RAB31: variants seen among roughly 807,000 people sequenced by gnomAD.
RAB31 encodes the protein RAB31, member RAS oncogene family, also known as ras-related protein Rab-31.
Under a neutral mutation model 25.6 loss-of-function variants are expected in RAB31, and 21 were observed. The ratio of observed to expected loss-of-function variants is 0.82; its 90% confidence interval spans 0.58 to 1.18. The LOEUF (loss-of-function observed/expected upper bound fraction) is 1.18, where lower values mean the gene tolerates loss of function less well. RAB31 is among the 50% of genes most tolerant of loss of function. The pLI is 0.00. For synonymous variants in RAB31, 87 were observed against 84.0 expected (o/e 1.04, Z -0.20); for missense variants, 196 against 250.1 (o/e 0.78, Z 1.46).
At chr18:9,751,643 T>C (rs917917527) in intron 1 of RAB31, among the ~76,000 whole-genome samples, 4 of 152,192 alleles carry the variant, frequency 2.6e-5, no homozygotes, top group Admixed American at 6.5e-5. Flanking sequence ...CCAACCGCAA[T>C]GGTAGAGCAG....
intron 3 of RAB31, among the ~76,000 whole-genome samples, chr18:9,809,498 A>G (rs908521845): frequency 1.4e-5 from 2 of 146,848 alleles, no homozygotes; most frequent in African/African-American, 2.7e-5. Flanking sequence ...CCAGGGAAGC[A>G]TGTGGTGTTT....
chr18:9,780,646 T>G (rs1568177315), intron 2 of RAB31, among the ~76,000 whole-genome samples: 2 of 152,182 alleles, frequency 1.3e-5, no homozygotes, highest in Non-Finnish European at 2.9e-5. Context: ...AATAATGTTA[T>G]GAGGCTAGAC....
intron 6 of RAB31, among the ~76,000 whole-genome samples, chr18:9,857,707 G>T (rs1568198191): frequency 6.6e-6 from 1 of 151,110 alleles, no homozygotes; most frequent in African/African-American, 2.5e-5. Context: ...TAGATAGATA[G>T]ATAGATAGAT....
intron 1 of RAB31, among the ~76,000 whole-genome samples, chr18:9,747,224 C>A (rs1336691912): frequency 6.6e-6 from 1 of 152,102 alleles, no homozygotes; most frequent in African/African-American, 2.4e-5. Flanking sequence ...CACTTTATAA[C>A]CACTAGGATG....
chr18:9,717,058 C>T (rs1000326721), intron 1 of RAB31, among the ~76,000 whole-genome samples: 3 of 151,698 alleles, frequency 2.0e-5, no homozygotes, highest in African/African-American at 7.3e-5. Flanking sequence ...TCACTTTGCC[C>T]AGCCAAAAAG....
intron 1 of RAB31, among the ~76,000 whole-genome samples, chr18:9,764,979 G>C (rs2068308156): frequency 6.6e-6 from 1 of 151,514 alleles, no homozygotes; most frequent in African/African-American, 2.4e-5. Context: ...TTTGGAGACA[G>C]AGTCTCGCTC....
intron 1 of RAB31, among the ~76,000 whole-genome samples, chr18:9,753,873 C>G (rs574218320): frequency 2.0e-5 from 3 of 152,218 alleles, no homozygotes; most frequent in Admixed American, 1.3e-4. Context: ...GCTGTAATTC[C>G]TAAAAGATAG....
At position 9,829,544 on chromosome 18, in the gene RAB31, C is replaced by T. The variant is rs370492257; in HGVS notation, c.380+14322C>T. Among the ~76,000 whole-genome samples, 197 of 152,332 alleles carry T rather than the reference C, an allele frequency of 1.3e-3. 1 individual carries two copies. Among genetic ancestry groups the T allele is most frequent in the African/African-American group, 3.5e-3 (144 of 41,568 alleles). On this transcript the variant is annotated intron_variant, in intron 5 of 6. Transcript: ENST00000578921. ...TTCTTGCACATGTGTAAGCATTTCT[C>T]TGGACTGGGGTAGGTAAGAGTTGAA... is the stretch of plus-strand genomic sequence containing the variant.
At chr18:9,846,665 T>C (rs1401466875) in intron 6 of RAB31, among the ~76,000 whole-genome samples, 2 of 152,228 alleles carry the variant, frequency 1.3e-5, no homozygotes, top group East Asian at 1.9e-4. Context: ...AGATCGTTTT[T>C]GGCAGAGCTC....
At chr18:9,835,866 A>G (rs1473930064) in intron 5 of RAB31, among the ~76,000 whole-genome samples, 1 of 152,122 alleles carries the variant, frequency 6.6e-6, no homozygotes, top group African/African-American at 2.4e-5. Flanking sequence ...TGTTACATAG[A>G]CATCTTGGGT....
chr18:9,858,527 G>A (rs1315225532), intron 6 of RAB31, among the ~76,000 whole-genome samples: 1 of 152,114 alleles, frequency 6.6e-6, no homozygotes. Flanking sequence ...CCCTTTAGCT[G>A]TCATCTCCCT....
intron 1 of RAB31, among the ~76,000 whole-genome samples, chr18:9,753,856 T>C (rs2068247517): frequency 1.3e-5 from 2 of 152,208 alleles, no homozygotes; most frequent in African/African-American, 4.8e-5. Flanking sequence ...GTGTTTGTGC[T>C]CTACGAGCTG....
chr18:9,832,891 C>T (rs534593448), intron 5 of RAB31, among the ~76,000 whole-genome samples: 7 of 152,298 alleles, frequency 4.6e-5, no homozygotes, highest in South Asian at 2.1e-4. Flanking sequence ...GGCCTCCCTG[C>T]GGGGCACGAG....
At chr18:9,828,942 C>G (rs972663405) in intron 5 of RAB31, among the ~76,000 whole-genome samples, 2 of 152,126 alleles carry the variant, frequency 1.3e-5, no homozygotes, top group South Asian at 4.1e-4. Flanking sequence ...TGTGCCTGTC[C>G]GTGTTCTGCG....
Position 9,845,483 on chromosome 18 carries a change from A to T in RAB31, c.381-99A>T, listed in dbSNP as rs186589134. 3.9e-4 allele frequency: 394 copies of T among 1,003,378 alleles called. 1 individual carries two copies. Among genetic ancestry groups the T allele is most frequent in the Non-Finnish European group, 5.2e-4 (374 of 712,740 alleles). The allele number at this position is 1,003,378 out of a possible 1,614,324, so 62.2% of individuals were successfully genotyped here. On this transcript the variant is annotated intron_variant, in intron 5 of 6. Coordinates refer to ENST00000578921, the MANE Select transcript of RAB31 (RefSeq NM_006868.4). ...GATTGAATTATTATTCTACAAGAAG[A>T]TAAAGGAGCTGTTGCCGCACAAGCT...
At chr18:9,783,520 A>G (rs1406197493) in intron 2 of RAB31, among the ~76,000 whole-genome samples, 1 of 152,164 alleles carries the variant, frequency 6.6e-6, no homozygotes, top group Non-Finnish European at 1.5e-5. Context: ...AGCACCTAGA[A>G]TATACTGAAG....
chr18:9,838,743 CAG>C (rs2068717478), intron 5 of RAB31, among the ~76,000 whole-genome samples: 2 of 152,322 alleles, frequency 1.3e-5, no homozygotes, highest in South Asian at 4.1e-4. Flanking sequence ...GGGACCAGCT[CAG>C]GGCTCACCTC....
intron 1 of RAB31, among the ~76,000 whole-genome samples, chr18:9,729,395 T>C (rs1599015031): frequency 1.3e-5 from 2 of 151,886 alleles, no homozygotes; most frequent in South Asian, 4.2e-4. Flanking sequence ...GGCGTGGTGG[T>C]GGGCACCTGT....
At chr18:9,756,850 C>T (rs189017822) in intron 1 of RAB31, among the ~76,000 whole-genome samples, 2 of 152,354 alleles carry the variant, frequency 1.3e-5, no homozygotes, top group East Asian at 3.9e-4. Context: ...TGTGTGGTCT[C>T]ATTGGCTCCC....
Sources: allele counts gnomAD v4.1 joint callset (sites outside exome capture counted in the v4.1 genomes callset), GRCh38; gene constraint gnomAD v4.1.1; transcripts MANE v1.5; gene names NCBI Gene and HGNC (gene_info 2026-07-23, HGNC 2026-07-21).